Variants in UBE2U observed in about 807,000 individuals in gnomAD.
UBE2U encodes the protein ubiquitin-conjugating enzyme E2 U.
UBE2U carries 39 observed loss-of-function variants against 41.2 expected under a neutral mutation model. The observed-to-expected ratio is 0.95, with a 90% CI of 0.73 to 1.24. The LOEUF is 1.24. Among genes scored for constraint, UBE2U ranks in the 50% most tolerant of loss-of-function variants. The pLI is 0.00. For synonymous variants in UBE2U, 107 were observed against 117.8 expected (o/e 0.91, Z 0.60); for missense variants, 336 against 363.1 (o/e 0.93, Z 0.61).
intron 7 of UBE2U, 151 bp downstream of exon 7, chr1:64,232,800 T>C (rs1644594640): frequency 2.2e-6 from 1 of 464,618 alleles, no homozygotes; most frequent in East Asian, 3.5e-5. Flanking sequence ...CAACAACTAT[T>C]ACTTTAGTTC....
At chr1:64,244,085 A>AAT in intron 8 of UBE2U, 1 of 1,395,550 alleles carries the variant, frequency 7.2e-7, no homozygotes, top group Non-Finnish European at 1.0e-6. Context: ...GTTCGCTATT[A>AAT]TTCATGCTTT....
At chr1:64,255,966 A>G (rs1645083371) in intron 8 of UBE2U, among the ~76,000 whole-genome samples, 1 of 152,128 alleles carries the variant, frequency 6.6e-6, no homozygotes, top group Non-Finnish European at 1.5e-5. Flanking sequence ...TATTATTCCT[A>G]TACACCAATC....
chr1:64,221,359 C>T (rs542824763), intron 6 of UBE2U, among the ~76,000 whole-genome samples: 12 of 152,248 alleles, frequency 7.9e-5, no homozygotes, highest in South Asian at 2.1e-4. Flanking sequence ...GTGATCCACC[C>T]GCCTCGGCCT....
chr1:64,204,020 G>A lies in UBE2U; in HGVS notation c.-31G>A. The A allele has an allele frequency of 6.2e-7, 1 of 1,605,564 alleles. No homozygotes were observed. Among genetic ancestry groups the A allele is most frequent in the Non-Finnish European group, 8.5e-7 (1 of 1,174,716 alleles). On this transcript the variant is annotated 5_prime_UTR_variant, in exon 1 of 10. Transcript: ENST00000371077. ...CCTCAGAGTAAACCTGAGGCATTTG[G>A]GGACAAGTGTCAGACCCTCCGCTGC...
chr1:64,246,618 T>C (rs72667263), intron 8 of UBE2U, among the ~76,000 whole-genome samples: 33,981 of 151,942 alleles, frequency 0.22, 3,995 homozygotes, highest in Middle Eastern at 0.35. Context: ...GGGAGGAAAA[T>C]CCTTTAGGAA....
At chr1:64,220,362 CATT>C (rs1308666616) in intron 5 of UBE2U, among the ~76,000 whole-genome samples, 1 of 152,096 alleles carries the variant, frequency 6.6e-6, no homozygotes, top group African/African-American at 2.4e-5. Flanking sequence ...TGATTTATTC[CATT>C]TTCAGTTTCT....
At chr1:64,243,201 A>T (rs1175102221) in intron 8 of UBE2U, among the ~76,000 whole-genome samples, 1 of 152,200 alleles carries the variant, frequency 6.6e-6, no homozygotes, top group East Asian at 1.9e-4. Flanking sequence ...GAATATATTT[A>T]GATCAAGTGA....
intron 1 of UBE2U, among the ~76,000 whole-genome samples, 166 bp from the exon 2 acceptor site, chr1:64,205,473 G>A (rs572102175): frequency 4.6e-5 from 7 of 152,040 alleles, no homozygotes; most frequent in African/African-American, 1.2e-4. Flanking sequence ...ATTAACTTCC[G>A]TGAAATAAGA....
chr1:64,211,982 TTTC>T (rs1432781223), intron 4 of UBE2U, among the ~76,000 whole-genome samples: 1 of 152,246 alleles, frequency 6.6e-6, no homozygotes, highest in African/African-American at 2.4e-5. Flanking sequence ...ATAAATTGCA[TTTC>T]TTCTATTTCT....
chr1:64,229,219 T>C (rs916406089), intron 6 of UBE2U, among the ~76,000 whole-genome samples: 5 of 152,092 alleles, frequency 3.3e-5, no homozygotes, highest in Non-Finnish European at 5.9e-5. Context: ...GGTCTCGAAC[T>C]CCTGACCTCA....
intron 9 of UBE2U, among the ~76,000 whole-genome samples, chr1:64,261,757 ATC>A (rs1645183585): frequency 1.3e-5 from 2 of 152,232 alleles, no homozygotes; most frequent in East Asian, 3.9e-4. Flanking sequence ...CCCCTCTGCA[ATC>A]TCTGTCTTTC....
chr1:64,219,305 CAT>C (rs1308975419), intron 5 of UBE2U, among the ~76,000 whole-genome samples: 1 of 150,522 alleles, frequency 6.6e-6, no homozygotes, highest in African/African-American at 2.4e-5. Flanking sequence ...CAATTTTTCA[CAT>C]GTGATTTATT....
At position 64,220,895 on chromosome 1, in the gene UBE2U, G is replaced by A. The variant is rs747564063; in HGVS notation, c.494G>A (p.Arg165His). The change falls in exon 6 of 10, where the codon CGT becomes CAT. Residue 165 changes from arginine (R) to histidine (H), a missense_variant. Coordinates refer to ENST00000371077, the MANE Select transcript of UBE2U (RefSeq NM_001366232.2). ...DDSQELPKDPRKCIRPIKTTS... is the reference protein window; with the variant it reads ...DDSQELPKDPHKCIRPIKTTS... ...AGCCAGGAGTTACCTAAAGACCCAC[G>A]TAAATGTATCAGGTAAGTTTTTCTT... 1.4e-5 allele frequency: 23 copies of A among 1,603,666 alleles called. No individual in the cohort carries two copies. The highest frequency in any genetic ancestry group is 4.0e-5 in the African/African-American group (3 of 74,234).
chr1:64,207,884 G>A (rs542877540), intron 3 of UBE2U, among the ~76,000 whole-genome samples: 4 of 152,266 alleles, frequency 2.6e-5, no homozygotes, highest in African/African-American at 9.6e-5. Context: ...TTTGCAAACT[G>A]AGGGAAAATA....
intron 7 of UBE2U, among the ~76,000 whole-genome samples, chr1:64,236,218 G>A (rs1436393775): frequency 1.3e-5 from 2 of 152,148 alleles, no homozygotes; most frequent in African/African-American, 4.8e-5. Context: ...TTCTCAATAA[G>A]TGAACAATAA....
intron 8 of UBE2U, among the ~76,000 whole-genome samples, chr1:64,249,377 CAAAAAA>C (rs71584441): frequency 1.5e-5 from 1 of 67,366 alleles, no homozygotes; most frequent in Non-Finnish European, 2.8e-5. Flanking sequence ...GACTCTGTCT[CAAAAAA>C]AAAAAAAAAA....
chr1:64,253,459 A>G (rs1416611911), intron 8 of UBE2U, among the ~76,000 whole-genome samples: 1 of 152,170 alleles, frequency 6.6e-6, no homozygotes, highest in Non-Finnish European at 1.5e-5. Flanking sequence ...AAGACACATA[A>G]TCATCAGATT....
At chr1:64,265,597 G>C (rs1645243185) in intron 9 of UBE2U, among the ~76,000 whole-genome samples, 1 of 152,084 alleles carries the variant, frequency 6.6e-6, no homozygotes, top group Admixed American at 6.5e-5. Flanking sequence ...GTTTTGTTTT[G>C]AGAGGGAGTC....
intron 7 of UBE2U, among the ~76,000 whole-genome samples, chr1:64,240,404 C>T (rs1198357456): frequency 1.3e-5 from 2 of 152,168 alleles, no homozygotes; most frequent in Non-Finnish European, 2.9e-5. Flanking sequence ...GAGGGATGAA[C>T]TTAGTATTGC....
Sources: gnomAD v4.1 joint callset for allele counts (sites outside exome capture counted in the v4.1 genomes callset) on GRCh38, gnomAD v4.1.1 for gene constraint, MANE v1.5 for transcripts, NCBI Gene and HGNC (gene_info 2026-07-23, HGNC 2026-07-21) for gene names.